Variants in RBBP6 observed in about 807,000 individuals in gnomAD.
The protein encoded by RBBP6 is RB binding protein 6, ubiquitin ligase.
In RBBP6, 25 loss-of-function variants were observed where a neutral mutation model predicts 167.7. The observed-to-expected ratio is 0.15, with a 90% confidence interval of 0.11 to 0.21. The LOEUF (loss-of-function observed/expected upper bound fraction) is 0.21. Among genes scored for constraint, RBBP6 ranks in the 10% least tolerant of loss-of-function variants. The pLI is 1.00. For synonymous variants in RBBP6, 789 were observed against 735.8 expected (o/e 1.07, Z -1.17); for missense variants, 1,868 against 2,134.2 (o/e 0.88, Z 2.46).
At chr16:24,553,289 A>T in intron 3 of RBBP6, 1 of 437,122 alleles carries the variant, frequency 2.3e-6, no homozygotes, top group Non-Finnish European at 4.2e-6. Context: ...TTTCATTTTA[A>T]TTGAGTCCCC....
chr16:24,570,315 A>G lies in RBBP6; in HGVS notation c.3625A>G (p.Ile1209Val). The stretch of plus-strand genomic sequence containing the variant: ...TTCTTTAAGTGCGCCAGCCAAAAAA[A>G]TCAAACTCAACAGAGAAACTGGGAA... ...KISLSAPAKK[I>V]KLNRETGKKI... Residue 1209 changes from isoleucine to valine, a missense_variant, in exon 17 of 18, where the codon ATC becomes GTC. Ile to Val is a conservative substitution (Grantham distance 29). Around this residue, in one of 7 missense-constraint regions of RBBP6, gnomAD observed 673 missense variants for 691.5 expected, o/e 0.97. Transcript: ENST00000319715. 2.5e-6 allele frequency: 4 copies of G among 1,610,682 alleles called. No homozygotes were observed. Among genetic ancestry groups the G allele is most frequent in the Non-Finnish European group, 3.4e-6 (4 of 1,179,348 alleles).
chr16:24,560,938 G>C (rs1483880594), intron 8 of RBBP6, among the ~76,000 whole-genome samples: 1 of 152,164 alleles, frequency 6.6e-6, no homozygotes, highest in Non-Finnish European at 1.5e-5. Context: ...CTTCAGTGAA[G>C]ACCAAGGTCA....
At position 24,569,357 on chromosome 16, in the gene RBBP6, T is replaced by A; in HGVS notation, c.2667T>A (p.His889Gln). 6.2e-7 allele frequency: 1 copy of A among 1,614,094 alleles called. No individual in the cohort carries two copies. Among genetic ancestry groups the A allele is most frequent in the South Asian group, 1.1e-5 (1 of 91,078 alleles). Residue 889 changes from histidine (H) to glutamine (Q), a missense_variant, in exon 17 of 18, where the codon CAT becomes CAA. Coordinates refer to ENST00000319715, the MANE Select transcript of RBBP6 (RefSeq NM_006910.5). ...RREDYVGGQS[H>Q]RSRNIGSNYP... ...AAGACTATGTTGGTGGGCAAAGTCA[T>A]AGAAGTCGAAACATAGGTAGCAACT...
rs778513223 is a variant in RBBP6, at chr16:24,571,344, G to T, written c.4278G>T (p.Glu1426Asp). ...AGAGGAAGAACAGCACTCAGCCAGA[G>T]AAAGAGAGTAATTTGGACCGTCTGA... Reference protein sequence around the residue: ...PEKRKNSTQPEKESNLDRLNE... With the variant: ...PEKRKNSTQPDKESNLDRLNE... Residue 1426 changes from glutamate (E) to aspartate (D), a missense_variant, in exon 18 of 18, where the codon GAG becomes GAT. Glu to Asp is a conservative substitution (Grantham distance 45, BLOSUM62 2). Coordinates refer to ENST00000319715, the MANE Select transcript of RBBP6 (RefSeq NM_006910.5). 7 of 1,614,008 alleles carry T rather than the reference G, an allele frequency of 4.3e-6. No individual in the cohort carries two copies. Among genetic ancestry groups the T allele is most frequent in the Non-Finnish European group, 5.9e-6 (7 of 1,180,018 alleles).
intron 7 of RBBP6, chr16:24,558,346 T>G: frequency 2.3e-6 from 1 of 431,924 alleles, no homozygotes; most frequent in Non-Finnish European, 3.1e-6. Context: ...AGACTCTTCT[T>G]CTGTTTCTTT....
chr16:24,568,957 C>G lies in RBBP6; in HGVS notation c.2267C>G (p.Ser756Cys). The change falls in exon 17 of 18, where the codon TCT (serine) becomes TGT (cysteine). Residue 756 changes from serine to cysteine, a missense_variant. Physicochemically the swap from Ser to Cys is moderately radical, Grantham distance 112. Coordinates refer to ENST00000319715, the MANE Select transcript of RBBP6 (RefSeq NM_006910.5). ...TCTAGATCTCATGGATATCATCGAT[C>G]TAGGTCAAGGTCACCCCCTTACAGA... ...SRSRSHGYHR[S>C]RSRSPPYRRY... 5 of 1,614,190 alleles carry G rather than the reference C, an allele frequency of 3.1e-6. No individual in the cohort carries two copies. The highest frequency in any genetic ancestry group is 4.2e-6 in the Non-Finnish European group (5 of 1,180,004).
chr16:24,569,967 T>C lies in RBBP6; in HGVS notation c.3277T>C (p.Ser1093Pro), dbSNP rs746542487. 32 of 1,599,072 alleles carry C rather than the reference T, an allele frequency of 2.0e-5. No homozygotes were observed. The South Asian group carries it at 3.4e-4, about 17-fold the overall frequency. The stretch of plus-strand genomic sequence containing the variant: ...CACTGGAACCCCCAGAAAAGCTCAC[T>C]CTAAATCAGCAAAAGAACACCAAGA... ...KITGTPRKAH[S>P]KSAKEHQETK... Residue 1093 changes from serine (S) to proline (P), a missense_variant, in exon 17 of 18, where the codon TCT becomes CCT. Coordinates refer to ENST00000319715, the MANE Select transcript of RBBP6 (RefSeq NM_006910.5).
At chr16:24,554,451 A>G (rs940004459) in intron 4 of RBBP6, 3 of 152,034 alleles carry the variant, frequency 2.0e-5, no homozygotes, top group African/African-American at 4.8e-5. Flanking sequence ...TGCTGTCCCT[A>G]TCTTGTTCTT....
intron 1 of RBBP6, among the ~76,000 whole-genome samples, chr16:24,543,021 T>G (rs763413528): frequency 7.2e-5 from 11 of 152,172 alleles, no homozygotes; most frequent in Non-Finnish European, 1.5e-4. Flanking sequence ...AGTCCTCAAA[T>G]TAAGAGAGAA....
Position 24,549,734 on chromosome 16 carries a change from A to G in RBBP6, c.303+753A>G, listed in dbSNP as rs531472476. Among the ~76,000 whole-genome samples, 177 of 152,124 alleles carry G rather than the reference A, an allele frequency of 1.2e-3. 1 individual carries two copies. Among genetic ancestry groups the G allele is most frequent in the Non-Finnish European group, 2.2e-3 (148 of 67,862 alleles). On this transcript the variant is annotated intron_variant, in intron 3 of 17. Transcript: ENST00000319715. ...CTGATTATATTGTTTTCAAAGTTTA[A>G]TGAGATCTTCCACTTCTATCTAGTT...
intron 1 of RBBP6, among the ~76,000 whole-genome samples, chr16:24,543,316 C>G (rs1898551639): frequency 7.4e-6 from 1 of 134,396 alleles, no homozygotes; most frequent in African/African-American, 2.8e-5. Flanking sequence ...TTTTTGGAGA[C>G]ACATCCTCAC....
intron 2 of RBBP6, among the ~76,000 whole-genome samples, chr16:24,546,930 G>A (rs1430831941): frequency 6.6e-6 from 1 of 152,228 alleles, no homozygotes; most frequent in Non-Finnish European, 1.5e-5. Flanking sequence ...GAAGAGAGCA[G>A]TCTCACAACT....
chr16:24,540,731 G>A lies in RBBP6; in HGVS notation c.105G>A (p.Gly35=). ...GCGACTTAAAGAAGCAGATTATGGGGAGAGAGAAGCTGAAAGCTGCCGACT... is the reference window on the plus strand; with the variant it reads ...GCGACTTAAAGAAGCAGATTATGGGAAGAGAGAAGCTGAAAGCTGCCGACT... ...SLCDLKKQIM[G]REKLKAADCD... Residue 35 remains glycine (G), a synonymous_variant, in exon 1 of 18, where the codon GGG becomes GGA. Transcript: ENST00000319715. 1 of 1,614,146 alleles carries A rather than the reference G, an allele frequency of 6.2e-7. No individual in the cohort carries two copies.
Position 24,539,569 on chromosome 16 carries a change from GT to G in RBBP6, c.-1057del, listed in dbSNP as rs1354019292. 2.0e-5 allele frequency: 3 copies of G among 152,184 alleles called. No individual in the cohort carries two copies. Among genetic ancestry groups the G allele is most frequent in the Admixed American group, 2.0e-4 (3 of 15,264 alleles). 9.4% of individuals were successfully genotyped at this position (152,184 alleles called of 1,614,324 possible). A position where few individuals can be genotyped will look rare whatever the true frequency, so the allele number is the denominator to read the frequency against. On this transcript the variant is annotated 5_prime_UTR_variant, in exon 1 of 18. Coordinates refer to ENST00000319715, the MANE Select transcript of RBBP6 (RefSeq NM_006910.5). ...CAATCCCTGCTTAAGAGACCCCGCA[GT>G]GGGGCGCTCGTCCGAAGCCAGGCCG...
chr16:24,540,346 G>T lies in RBBP6; in HGVS notation c.-281G>T, dbSNP rs1898452747. The T allele has an allele frequency of 3.2e-6, 1 of 314,344 alleles. No individual in the cohort carries two copies. Among genetic ancestry groups the T allele is most frequent in the Non-Finnish European group, 6.0e-6 (1 of 167,880 alleles). 19.5% of individuals were successfully genotyped at this position (314,344 alleles called of 1,614,324 possible). On this transcript the variant is annotated 5_prime_UTR_variant, in exon 1 of 18. Transcript: ENST00000319715. The stretch of plus-strand genomic sequence containing the variant: ...CCTTAGCATGAGCGAGGGGGACCCA[G>T]CCGGGTGACATTGTGCCCGTTGGCG...
rs751331110 is a variant in RBBP6, at chr16:24,569,398, C to T, written c.2708C>T (p.Ser903Leu). ...GGTAGCAACTATCCAGAAAAGCTTT[C>T]AGCAAGAGATGGTCACAATCAGAAG... ...NIGSNYPEKLSARDGHNQKDN... is the reference protein window; with the variant it reads ...NIGSNYPEKLLARDGHNQKDN... Residue 903 changes from serine (S) to leucine (L), a missense_variant, in exon 17 of 18, where the codon TCA becomes TTA. Transcript: ENST00000319715. 4 of 1,613,950 alleles carry T rather than the reference C, an allele frequency of 2.5e-6. No individual in the cohort carries two copies. The highest frequency in any genetic ancestry group is 2.5e-6 in the Non-Finnish European group (3 of 1,180,010).
chr16:24,545,051 C>T (rs993824118), intron 1 of RBBP6, among the ~76,000 whole-genome samples: 4 of 152,128 alleles, frequency 2.6e-5, no homozygotes, highest in African/African-American at 7.2e-5. Context: ...TACTCTTGTT[C>T]TCCTACAGTT....
At chr16:24,562,552 AG>A (rs572484746) in intron 10 of RBBP6, among the ~76,000 whole-genome samples, 10 of 152,280 alleles carry the variant, frequency 6.6e-5, no homozygotes, top group African/African-American at 2.4e-4. Flanking sequence ...GTAAAAACAC[AG>A]GTAAGTAGAG....
At position 24,553,399 on chromosome 16, in the gene RBBP6, A is replaced by G. The variant is rs545018341; in HGVS notation, c.304-114A>G. On this transcript the variant is annotated intron_variant, in intron 3 of 17. Transcript: ENST00000319715. Reference sequence around the variant, plus strand: ...CATTTTCAAGCTTAACATTCTTTAGAAAACTAAGAAAATGCCCAATATTTC... The same window carrying G: ...CATTTTCAAGCTTAACATTCTTTAGGAAACTAAGAAAATGCCCAATATTTC... 6 of 787,516 alleles carry G rather than the reference A, an allele frequency of 7.6e-6. No individual in the cohort carries two copies. In the Admixed American group the frequency reaches 1.1e-4, roughly 15 times the overall value. 48.8% of individuals were successfully genotyped at this position (787,516 alleles called of 1,614,324 possible).
Sources: gnomAD v4.1 joint callset for allele counts (sites outside exome capture counted in the v4.1 genomes callset) on GRCh38, gnomAD v4.1.1 for gene constraint, gnomAD v4.1.1 regional missense constraint, MANE v1.5 for transcripts, NCBI Gene and HGNC (gene_info 2026-07-23, HGNC 2026-07-21) for gene names.